TEX29: variants seen among roughly 807,000 people sequenced by gnomAD.
The protein encoded by TEX29 is testis expressed 29, also known as testis-expressed protein 29.
Under a neutral mutation model 18.2 loss-of-function variants are expected in TEX29, and 26 were observed. The observed-to-expected ratio is 1.43, with a 90% CI of 1.04 to 1.98. The LOEUF is 1.98. Among genes scored for constraint, TEX29 ranks in the 30% most tolerant of loss-of-function variants. The pLI is 0.00. For missense variants in TEX29, 177 were observed against 194.2 expected (o/e 0.91, Z 0.53); for synonymous variants, 83 against 78.5 (o/e 1.06, Z -0.31).
In TEX29 at chr13:111,327,194, C is replaced by T. The variant is rs566235482; in HGVS notation, c.59-989C>T. ...CACTCTGCCTTGGCAGGTGCGGCAT[C>T]GCCTCGGCAGGGCTCCCGTGTCCAT... is the stretch of plus-strand genomic sequence containing the variant. On this transcript the variant is annotated intron_variant, in intron 2 of 5. Transcript: ENST00000283547. Among the ~76,000 whole-genome samples, 288 of 152,346 alleles carry T rather than the reference C, an allele frequency of 1.9e-3. 1 individual carries two copies. Among genetic ancestry groups the T allele is most frequent in the Non-Finnish European group, 3.0e-3 (206 of 68,022 alleles).
intron 3 of TEX29, among the ~76,000 whole-genome samples, chr13:111,337,916 G>T (rs1469588623): frequency 6.6e-6 from 1 of 152,108 alleles, no homozygotes; most frequent in African/African-American, 2.4e-5. Flanking sequence ...CCTTACTGAG[G>T]TCACCTCGGT....
intron 3 of TEX29, among the ~76,000 whole-genome samples, chr13:111,335,856 C>T (rs1377667531): frequency 2.6e-5 from 4 of 152,248 alleles, no homozygotes; most frequent in Non-Finnish European, 5.9e-5. Flanking sequence ...AGGGAACTCA[C>T]GTCCAAGCTG....
At chr13:111,330,772 A>G (rs2093681433) in intron 3 of TEX29, among the ~76,000 whole-genome samples, 1 of 152,122 alleles carries the variant, frequency 6.6e-6, no homozygotes, top group Admixed American at 6.5e-5. Flanking sequence ...TCATCTGTCT[A>G]TGGACTTCCG....
intron 2 of TEX29, among the ~76,000 whole-genome samples, chr13:111,323,178 C>T (rs2093667460): frequency 6.6e-6 from 1 of 152,236 alleles, no homozygotes; most frequent in South Asian, 2.1e-4. Flanking sequence ...CCCATGTCCA[C>T]ACTCACTCAT....
At chr13:111,317,672 G>A (rs983309501), upstream of TEX29, among the ~76,000 whole-genome samples, 1 of 152,224 alleles carries the variant, frequency 6.6e-6, no homozygotes, top group Admixed American at 6.5e-5. Flanking sequence ...CAGCAGCACC[G>A]ACATGGCGCC....
At position 111,320,887 on chromosome 13, in the gene TEX29, A is replaced by G. The variant is rs1479960964; in HGVS notation, c.-4A>G. On this transcript the variant is annotated 5_prime_UTR_variant, in exon 2 of 6. Transcript: ENST00000283547. ...CTCGGCCCCTTCATCTGTCAGCTGCAGCAATGGAATACGTGCTGGAAGTGA... is the reference window on the plus strand; with the variant it reads ...CTCGGCCCCTTCATCTGTCAGCTGCGGCAATGGAATACGTGCTGGAAGTGA... The G allele has an allele frequency of 6.2e-7, 1 of 1,607,370 alleles. No homozygotes were observed. The highest frequency in any genetic ancestry group is 8.5e-7 in the Non-Finnish European group (1 of 1,176,172).
chr13:111,326,435 CTGGCGCTGGTGGG>C (rs1389932643), intron 2 of TEX29, among the ~76,000 whole-genome samples: 5 of 98,892 alleles, frequency 5.1e-5, no homozygotes, highest in Admixed American at 1.2e-4. Flanking sequence ...CAGCGTGAGC[CTGGCGCTGGTGGG>C]TGTCTGGTGG....
At chr13:111,322,182 C>T (rs1312115533) in intron 2 of TEX29, among the ~76,000 whole-genome samples, 1 of 152,216 alleles carries the variant, frequency 6.6e-6, no homozygotes, top group Non-Finnish European at 1.5e-5. Flanking sequence ...CTTTGTCACA[C>T]CAGGGGGGCA....
At position 111,320,759 on chromosome 13, in the gene TEX29, G is replaced by T. The variant is rs370561800; in HGVS notation, c.-38G>T. The stretch of plus-strand genomic sequence containing the variant: ...AGGGGACCCGCCTGGGATGTGAGGC[G>T]CAGGTGAGTCGATGAACGCCCCCTC... On this transcript the variant is annotated 5_prime_UTR_variant, in exon 1 of 6. Transcript: ENST00000283547. 57 of 1,067,280 alleles carry T rather than the reference G, an allele frequency of 5.3e-5. No homozygotes were observed. In the South Asian group the frequency reaches 6.9e-4, roughly 13 times the overall value. The allele number at this position is 1,067,280 out of a possible 1,614,324, so 66.1% of individuals were successfully genotyped here.
chr13:111,327,332 G>A (rs1389620646), intron 2 of TEX29, among the ~76,000 whole-genome samples: 1 of 152,204 alleles, frequency 6.6e-6, no homozygotes, highest in African/African-American at 2.4e-5. Context: ...AACACAAATG[G>A]GGCTCCTCAA....
chr13:111,329,063 G>A (rs2093678720), intron 3 of TEX29, among the ~76,000 whole-genome samples: 2 of 152,348 alleles, frequency 1.3e-5, no homozygotes, highest in Admixed American at 6.5e-5. Context: ...GGCCTGCGCC[G>A]CTGAGGTCTT....
rs2093677078 is a variant in TEX29 at position 111,328,158 on chromosome 13, C to T, written c.59-25C>T. The T allele has an allele frequency of 2.6e-6, 4 of 1,517,136 alleles. No individual in the cohort carries two copies. The African/African-American group carries it at 5.4e-5, about 21-fold the overall frequency. 94.0% of individuals were successfully genotyped at this position (1,517,136 alleles called of 1,614,324 possible). ...AGTGGCTTTGTTTTCGGGGGTGACA[C>T]TTGTGTATGTCTGTGCTTTTGCAGT... On this transcript the variant is annotated intron_variant, in intron 2 of 5. Coordinates refer to ENST00000283547, the MANE Select transcript of TEX29 (RefSeq NM_152324.3).
At chr13:111,338,976 C>A (rs2093693364) in intron 3 of TEX29, among the ~76,000 whole-genome samples, 1 of 152,226 alleles carries the variant, frequency 6.6e-6, no homozygotes, top group Non-Finnish European at 1.5e-5. Flanking sequence ...CTGGGCGGTG[C>A]TGCGCCCCTC....
chr13:111,336,080 A>G lies in TEX29; in HGVS notation c.170-3783A>G, dbSNP rs367798908. 3.7e-4 allele frequency among the ~76,000 whole-genome samples: 56 copies of G among 152,376 alleles called. No homozygotes were observed. In the South Asian group the frequency reaches 0.01, roughly 28 times the overall value. On this transcript the variant is annotated intron_variant, in intron 3 of 5. Coordinates refer to ENST00000283547, the MANE Select transcript of TEX29 (RefSeq NM_152324.3). ...TATAAGGAACCCAGAAGAGAACACAAGCTCTCAAGAAAGTTTTTGACTTGG... is the reference window on the plus strand; with the variant it reads ...TATAAGGAACCCAGAAGAGAACACAGGCTCTCAAGAAAGTTTTTGACTTGG...
chr13:111,320,781 C>T lies in TEX29; in HGVS notation c.-35+19C>T. On this transcript the variant is annotated intron_variant, in intron 1 of 5. Coordinates refer to ENST00000283547, the MANE Select transcript of TEX29 (RefSeq NM_152324.3). ...GGCGCAGGTGAGTCGATGAACGCCC[C>T]CTCCTGGTGTGAGCCGCCCGCTCCC... The T allele has an allele frequency of 7.4e-7, 1 of 1,355,568 alleles. No individual in the cohort carries two copies. Among genetic ancestry groups the T allele is most frequent in the African/African-American group, 1.4e-5 (1 of 69,834 alleles). 84.0% of individuals were successfully genotyped at this position (1,355,568 alleles called of 1,614,324 possible). A position where few individuals can be genotyped will look rare whatever the true frequency, so the allele number is the denominator to read the frequency against.
chr13:111,342,119 A>G (rs1009576718), intron 4 of TEX29, among the ~76,000 whole-genome samples: 20 of 152,190 alleles, frequency 1.3e-4, no homozygotes, highest in African/African-American at 4.6e-4. Context: ...GGCTATTCCC[A>G]GGGCAGGGCT....
At chr13:111,337,568 A>G (rs904363836) in intron 3 of TEX29, among the ~76,000 whole-genome samples, 7 of 152,046 alleles carry the variant, frequency 4.6e-5, no homozygotes, top group African/African-American at 1.7e-4. Flanking sequence ...TCCAGGGATC[A>G]GCGTTGTTCA....
At position 111,331,865 on chromosome 13, in the gene TEX29, A is replaced by C. The variant is rs138843895; in HGVS notation, c.169+3572A>C. Among the ~76,000 whole-genome samples the C allele has an allele frequency of 5.4e-4, 83 of 152,332 alleles. No individual in the cohort carries two copies. The East Asian group carries it at 8.9e-3, about 16-fold the overall frequency. On this transcript the variant is annotated intron_variant, in intron 3 of 5. Transcript: ENST00000283547. ...CTTGTTGAGAATCAGTTGCCCATAA[A>C]AATGAGAGTTTATTTCTAGATTCTC...
chr13:111,319,265 C>T (rs906460117), upstream of TEX29, among the ~76,000 whole-genome samples: 6 of 152,160 alleles, frequency 3.9e-5, no homozygotes, highest in Admixed American at 2.6e-4. Context: ...CAGAAACTTA[C>T]ATTGAGTGTT....
Sources: allele counts gnomAD v4.1 joint callset (sites outside exome capture counted in the v4.1 genomes callset), GRCh38; gene constraint gnomAD v4.1.1; transcripts MANE v1.5; gene names NCBI Gene and HGNC (gene_info 2026-07-23, HGNC 2026-07-21).